The following CFAP299 variants were observed in gnomAD, a reference collection of about 807,000 sequenced individuals.
CFAP299 encodes cilia- and flagella-associated protein 299.
CFAP299 carries 21 observed loss-of-function variants against 27.0 expected under a neutral mutation model. The observed-to-expected ratio is 0.78, with a 90% CI of 0.55 to 1.12. The LOEUF is 1.12. CFAP299 is among the 50% of genes most tolerant of loss of function. CFAP299 has a pLI of 0.00. For missense variants in CFAP299, 310 were observed against 276.6 expected (o/e 1.12, Z -0.86); for synonymous variants, 104 against 98.1 (o/e 1.06, Z -0.36).
intron 2 of CFAP299, among the ~76,000 whole-genome samples, chr4:80,368,878 G>A (rs1419563617): frequency 6.6e-6 from 1 of 152,176 alleles, no homozygotes; most frequent in Non-Finnish European, 1.5e-5. Context: ...AAGCAATACA[G>A]TTGTGATTTG....
intron 4 of CFAP299, among the ~76,000 whole-genome samples, chr4:80,912,912 A>G (rs1578233580): frequency 6.6e-6 from 1 of 152,158 alleles, no homozygotes; most frequent in East Asian, 1.9e-4. Context: ...AGTGCGGAAT[A>G]GAGGGGAAGC....
chr4:80,680,700 A>G (rs1228687399), intron 3 of CFAP299, among the ~76,000 whole-genome samples: 1 of 152,184 alleles, frequency 6.6e-6, no homozygotes, highest in Non-Finnish European at 1.5e-5. Flanking sequence ...GTTTGAGAAG[A>G]AAGAATTTTC....
chr4:80,948,833 CAATAAT>C (rs1260217528), intron 5 of CFAP299, among the ~76,000 whole-genome samples: 1 of 151,622 alleles, frequency 6.6e-6, no homozygotes, highest in Non-Finnish European at 1.5e-5. Flanking sequence ...GCAATAATAA[CAATAAT>C]AATAATAGTA....
intron 2 of CFAP299, among the ~76,000 whole-genome samples, chr4:80,482,523 A>G (rs1358478516): frequency 6.6e-6 from 1 of 152,122 alleles, no homozygotes; most frequent in Non-Finnish European, 1.5e-5. Context: ...TTACAGCAAT[A>G]AAAAAACAAA....
chr4:80,799,616 AT>A lies in CFAP299; in HGVS notation c.334-70376del, dbSNP rs368417918. Among the ~76,000 whole-genome samples the A allele has an allele frequency of 8.6e-3, 349 of 40,702 alleles. 40 individuals carry two copies. The highest frequency in any genetic ancestry group is 0.051 in the East Asian group (34 of 668). The allele number at this position is 40,702 out of a possible 152,430, so 26.7% of individuals were successfully genotyped here. A position where few individuals can be genotyped will look rare whatever the true frequency, so the allele number is the denominator to read the frequency against. On this transcript the variant is annotated intron_variant, in intron 3 of 5. Transcript: ENST00000358105. The stretch of plus-strand genomic sequence containing the variant: ...ATAAAATATATATTTTATATATTAT[AT>A]ATTTATAAATATATAATATATAAAA...
intron 2 of CFAP299, among the ~76,000 whole-genome samples, chr4:80,513,805 A>G (rs1164041545): frequency 6.6e-6 from 1 of 152,154 alleles, no homozygotes; most frequent in Non-Finnish European, 1.5e-5. Context: ...ATTTGCACTC[A>G]AGGAATCTCT....
At chr4:80,541,287 A>T (rs1394147210) in intron 2 of CFAP299, among the ~76,000 whole-genome samples, 1 of 151,936 alleles carries the variant, frequency 6.6e-6, no homozygotes, top group Non-Finnish European at 1.5e-5. Context: ...GTTTATTTGA[A>T]CTCTTTGTTT....
At chr4:80,887,266 T>G (rs1195015883) in intron 4 of CFAP299, among the ~76,000 whole-genome samples, 1 of 152,054 alleles carries the variant, frequency 6.6e-6, no homozygotes, top group East Asian at 1.9e-4. Context: ...CAAAGAAGAC[T>G]ACCTAAAGAC....
rs550329810 is a variant in CFAP299, at chr4:80,601,881, T to C, written c.333+18698T>C. 5.8e-4 allele frequency among the ~76,000 whole-genome samples: 89 copies of C among 152,350 alleles called. 1 individual carries two copies. Among genetic ancestry groups the C allele is most frequent in the African/African-American group, 2.0e-3 (82 of 41,596 alleles). The stretch of plus-strand genomic sequence containing the variant: ...AAGAAAATGTGGTATATATACACCA[T>C]TGAATACTGTGCATCCACAAAAAGA... On this transcript the variant is annotated intron_variant, in intron 3 of 5. Transcript: ENST00000358105.
At position 80,362,685 on chromosome 4, in the gene CFAP299, A is replaced by G. The variant is rs1264406038; in HGVS notation, c.112-69A>G. On this transcript the variant is annotated intron_variant, in intron 1 of 5. Coordinates refer to ENST00000358105, the MANE Select transcript of CFAP299 (RefSeq NM_152770.3). ...GCTTGGTATACATTGCAGATGTAAG[A>G]TATAAGTAAGTAAGTAAAAATAGTA... 6 of 1,489,210 alleles carry G rather than the reference A, an allele frequency of 4.0e-6. No individual in the cohort carries two copies. The African/African-American group carries it at 7.0e-5, about 17-fold the overall frequency. 92.2% of individuals were successfully genotyped at this position (1,489,210 alleles called of 1,614,324 possible).
chr4:80,864,546 GTA>G (rs578121857), intron 3 of CFAP299, among the ~76,000 whole-genome samples: 9 of 144,408 alleles, frequency 6.2e-5, no homozygotes, highest in Admixed American at 4.9e-4. Flanking sequence ...GTATATATAG[GTA>G]TATATATATA....
At chr4:80,445,588 C>T (rs577440557) in intron 2 of CFAP299, among the ~76,000 whole-genome samples, 2 of 151,896 alleles carry the variant, frequency 1.3e-5, no homozygotes, top group Non-Finnish European at 2.9e-5. Context: ...CGGGTTGATG[C>T]GTGGAGCAAA....
Position 80,835,201 on chromosome 4 carries a change from G to A in CFAP299, c.334-34792G>A, listed in dbSNP as rs371467887. On this transcript the variant is annotated intron_variant, in intron 3 of 5. Transcript: ENST00000358105. ...GCTCGATCTCGGCTCCCAGGTTCAC[G>A]CCATTCTCCTGCCTCAGCCTCCTGA... is the stretch of plus-strand genomic sequence containing the variant. Among the ~76,000 whole-genome samples the A allele has an allele frequency of 2.4e-4, 37 of 152,054 alleles. No homozygotes were observed. In the Middle Eastern group the frequency reaches 0.01, roughly 42 times the overall value.
At chr4:80,461,992 G>A (rs926095231) in intron 2 of CFAP299, among the ~76,000 whole-genome samples, 1 of 151,962 alleles carries the variant, frequency 6.6e-6, no homozygotes, top group Non-Finnish European at 1.5e-5. Flanking sequence ...TCTTCTTGAG[G>A]CTTATGACTC....
rs1732600284 is a variant in CFAP299 at position 80,864,535 on chromosome 4, CGTATATATAG to C, written c.334-5448_334-5439del. Among the ~76,000 whole-genome samples, 6 of 145,156 alleles carry C rather than the reference CGTATATATAG, an allele frequency of 4.1e-5. No homozygotes were observed. In the South Asian group the frequency reaches 1.3e-3, roughly 31 times the overall value. On this transcript the variant is annotated intron_variant, in intron 3 of 5. Transcript: ENST00000358105. ...CTATATATACGTATATATACATATA[CGTATATATAG>C]GTATATATATATAATAACTAAAACG... is the stretch of plus-strand genomic sequence containing the variant.
intron 3 of CFAP299, among the ~76,000 whole-genome samples, chr4:80,844,398 C>T (rs1351726380): frequency 1.3e-5 from 2 of 152,290 alleles, no homozygotes; most frequent in East Asian, 1.9e-4. Flanking sequence ...TATTTTTCCA[C>T]ATCCTCTCCA....
At chr4:80,397,855 A>G (rs1331984787) in intron 2 of CFAP299, among the ~76,000 whole-genome samples, 6 of 152,180 alleles carry the variant, frequency 3.9e-5, no homozygotes, top group Non-Finnish European at 7.3e-5. Context: ...GGCAGGAGAA[A>G]GAAATAAAGG....
At chr4:80,754,315 T>C (rs146560374) in intron 3 of CFAP299, among the ~76,000 whole-genome samples, 1 of 152,292 alleles carries the variant, frequency 6.6e-6, no homozygotes, top group East Asian at 1.9e-4. Context: ...CTTTGTACTA[T>C]GTCTTAGAGT....
chr4:80,412,485 G>A (rs1726771342), intron 2 of CFAP299, among the ~76,000 whole-genome samples: 1 of 152,140 alleles, frequency 6.6e-6, no homozygotes, highest in Admixed American at 6.5e-5. Context: ...AAAGTGGAAT[G>A]TGCAGACATA....
Sources: gnomAD v4.1 joint callset for allele counts (sites outside exome capture counted in the v4.1 genomes callset) on GRCh38, gnomAD v4.1.1 for gene constraint, MANE v1.5 for transcripts, NCBI Gene and HGNC (gene_info 2026-07-23, HGNC 2026-07-21) for gene names.